The following FILIP1L variants were observed in gnomAD, a reference collection of about 807,000 sequenced individuals.
FILIP1L encodes the protein filamin A interacting protein 1 like, also known as filamin A-interacting protein 1-like.
A neutral mutation model predicts 96.6 loss-of-function variants in FILIP1L; 55 were observed. The ratio of observed to expected loss-of-function variants is 0.57; its 90% CI spans 0.46 to 0.71. The LOEUF is 0.71. Among genes scored for constraint, FILIP1L ranks in the 30% least tolerant of loss-of-function variants. The probability of loss-of-function intolerance (pLI) is 0.00; values close to 1 mark genes in which losing one functional copy is unlikely to be tolerated. For synonymous variants in FILIP1L, 467 were observed against 473.9 expected, an observed-to-expected ratio of 0.99 and a Z score of 0.19; for missense variants, 1,304 against 1,321.2, an observed-to-expected ratio of 0.99 and a Z score of 0.20.
intron 4 of FILIP1L, among the ~76,000 whole-genome samples, chr3:99,904,601 CT>C (rs940411368): frequency 1.3e-5 from 2 of 151,764 alleles, no homozygotes; most frequent in Non-Finnish European, 2.9e-5. Context: ...TTACTTTTCT[CT>C]TTTTTTTGTT....
At chr3:100,018,070 T>C (rs1393492161) in intron 1 of FILIP1L, among the ~76,000 whole-genome samples, 1 of 152,188 alleles carries the variant, frequency 6.6e-6, no homozygotes, top group Non-Finnish European at 1.5e-5. Context: ...GGCTCACGCC[T>C]GTAATCTCAG....
intron 1 of FILIP1L, among the ~76,000 whole-genome samples, chr3:100,103,790 A>G (rs2066348673): frequency 1.3e-5 from 2 of 152,164 alleles, no homozygotes; most frequent in South Asian, 2.1e-4. Flanking sequence ...TCAAATAACA[A>G]ATTGTTGCAT....
chr3:99,856,569 A>G (rs997386730), intron 4 of FILIP1L, among the ~76,000 whole-genome samples: 2 of 152,228 alleles, frequency 1.3e-5, no homozygotes, highest in Non-Finnish European at 2.9e-5. Flanking sequence ...GCAGTATCTT[A>G]TTACAGCTTT....
chr3:99,921,635 T>G (rs1707127527), intron 4 of FILIP1L, among the ~76,000 whole-genome samples: 1 of 152,214 alleles, frequency 6.6e-6, no homozygotes, highest in Admixed American at 6.5e-5. Context: ...AACAGAGTGA[T>G]AGACACTTTT....
chr3:99,831,393 A>G (rs1297397004), intron 5 of FILIP1L, among the ~76,000 whole-genome samples: 1 of 152,142 alleles, frequency 6.6e-6, no homozygotes, highest in Admixed American at 6.5e-5. Context: ...GGTACTTTTG[A>G]TTTTTCTTAC....
chr3:100,034,811 T>C (rs2065079389), intron 1 of FILIP1L, among the ~76,000 whole-genome samples: 1 of 152,168 alleles, frequency 6.6e-6, no homozygotes, highest in Non-Finnish European at 1.5e-5. Flanking sequence ...TATGCAGCCT[T>C]AGGAGAATAT....
At chr3:99,983,385 AATAAATATATATATATAT>A (rs1288018238) in intron 1 of FILIP1L, among the ~76,000 whole-genome samples, 3 of 84,076 alleles carry the variant, frequency 3.6e-5, no homozygotes, top group East Asian at 2.5e-4. Flanking sequence ...AAAATAAATA[AATAAATATATATATATAT>A]ATATATATAT....
intron 1 of FILIP1L, among the ~76,000 whole-genome samples, chr3:100,029,432 C>T (rs1462621518): frequency 6.6e-6 from 1 of 152,058 alleles, no homozygotes; most frequent in Non-Finnish European, 1.5e-5. Flanking sequence ...GCTAAATAGT[C>T]ATTCATTTTA....
intron 4 of FILIP1L, among the ~76,000 whole-genome samples, chr3:99,862,747 T>C (rs1280110113): frequency 6.6e-6 from 1 of 152,202 alleles, no homozygotes; most frequent in Non-Finnish European, 1.5e-5. Flanking sequence ...GTGTTCGTTG[T>C]CTCTGGCCTG....
chr3:99,855,021 G>C (rs1006940381), intron 4 of FILIP1L, among the ~76,000 whole-genome samples: 3 of 152,160 alleles, frequency 2.0e-5, no homozygotes, highest in African/African-American at 7.2e-5. Flanking sequence ...TGTCAAGTCT[G>C]CTGGCCCTTA....
chr3:99,895,834 G>C (rs1407016926), intron 4 of FILIP1L, among the ~76,000 whole-genome samples: 1 of 152,160 alleles, frequency 6.6e-6, no homozygotes. Flanking sequence ...TAAAAGACTG[G>C]TTAAATGTTG....
chr3:99,842,589 C>G (rs945359391), intron 5 of FILIP1L, among the ~76,000 whole-genome samples: 1 of 151,172 alleles, frequency 6.6e-6, no homozygotes, highest in African/African-American at 2.4e-5. Context: ...GAAGAACTCA[C>G]TAAAATAAGA....
At chr3:99,898,363 T>C (rs973670609) in intron 4 of FILIP1L, 3 of 152,210 alleles carry the variant, frequency 2.0e-5, no homozygotes, top group Non-Finnish European at 4.4e-5. Context: ...AACTTCATCT[T>C]TTCATTCCAT....
chr3:99,866,459 C>G (rs897532907), intron 4 of FILIP1L, among the ~76,000 whole-genome samples: 4 of 152,164 alleles, frequency 2.6e-5, no homozygotes, highest in African/African-American at 9.7e-5. Context: ...ACTGAAGTCA[C>G]AGTTTGCCAT....
chr3:100,055,591 AAATT>A (rs1402322697), intron 1 of FILIP1L, among the ~76,000 whole-genome samples: 2 of 152,332 alleles, frequency 1.3e-5, no homozygotes, highest in Admixed American at 6.5e-5. Context: ...ATAAAAATAT[AAATT>A]ACCCATTGCT....
chr3:99,982,201 C>A (rs897808809), intron 1 of FILIP1L, among the ~76,000 whole-genome samples: 1 of 151,804 alleles, frequency 6.6e-6, no homozygotes, highest in Non-Finnish European at 1.5e-5. Context: ...ATAGTATTGT[C>A]TATATGCATG....
intron 1 of FILIP1L, among the ~76,000 whole-genome samples, chr3:100,035,228 A>G (rs1299201145): frequency 6.6e-6 from 1 of 152,218 alleles, no homozygotes; most frequent in African/African-American, 2.4e-5. Context: ...AATTAAATTC[A>G]TAAATGAATG....
chr3:99,916,012 G>A (rs1475917766), intron 4 of FILIP1L, among the ~76,000 whole-genome samples: 2 of 152,214 alleles, frequency 1.3e-5, no homozygotes, highest in African/African-American at 2.4e-5. Context: ...AAAGATACGT[G>A]TAATGGTTAA....
chr3:100,076,558 G>A (rs986447474), intron 1 of FILIP1L, among the ~76,000 whole-genome samples: 3 of 152,108 alleles, frequency 2.0e-5, no homozygotes, highest in East Asian at 1.9e-4. Flanking sequence ...ACATGCTTTC[G>A]AGGTTTCATC....
Sources: allele counts gnomAD v4.1 joint callset (sites outside exome capture counted in the v4.1 genomes callset), GRCh38; gene constraint gnomAD v4.1.1; transcripts MANE v1.5; gene names NCBI Gene and HGNC (gene_info 2026-07-23, HGNC 2026-07-21).